Variants in NMNAT3 observed in about 807,000 individuals in gnomAD.
The protein encoded by NMNAT3 is nicotinamide nucleotide adenylyltransferase 3.
In NMNAT3, 21 loss-of-function variants were observed where a neutral mutation model predicts 24.8. That is an observed-to-expected ratio of 0.85 (90% CI 0.60 to 1.22). NMNAT3 has a LOEUF of 1.22. Among genes scored for constraint, NMNAT3 ranks in the 50% most tolerant of loss-of-function variants. The probability of loss-of-function intolerance (pLI) is 0.00; values close to 1 mark genes in which losing one functional copy is unlikely to be tolerated. For missense variants in NMNAT3, 387 were observed against 436.6 expected, an observed-to-expected ratio of 0.89 and a Z score of 1.01; for synonymous variants, 136 against 155.2, an observed-to-expected ratio of 0.88 and a Z score of 0.92.
intron 2 of NMNAT3, 40 bp downstream of exon 3, chr3:139,634,571 A>G (rs760244245): frequency 2.0e-5 from 3 of 152,150 alleles, no homozygotes; most frequent in South Asian, 2.1e-4. Context: ...CGCTGTTGCT[A>G]CGGGCACACA....
At chr3:139,628,512 G>C (rs570598033) in intron 2 of NMNAT3, among the ~76,000 whole-genome samples, 1 of 152,290 alleles carries the variant, frequency 6.6e-6, no homozygotes, top group South Asian at 2.1e-4. Context: ...ATTGTTACTG[G>C]ACTATTATCT....
chr3:139,584,472 C>T (rs1318303451), intron 3 of NMNAT3: 4 of 152,462 alleles, frequency 2.6e-5, no homozygotes, highest in African/African-American at 9.7e-5. Context: ...ACAGTTCAGG[C>T]TATAAAATTG....
chr3:139,637,504 G>A (rs759823171), intron 2 of NMNAT3: 17 of 152,240 alleles, frequency 1.1e-4, no homozygotes, highest in Non-Finnish European at 1.9e-4. Context: ...ATAGCCTTGT[G>A]CTTACTATAT....
chr3:139,625,017 G>C (rs769314452), intron 3 of NMNAT3, among the ~76,000 whole-genome samples: 1 of 152,050 alleles, frequency 6.6e-6, no homozygotes, highest in African/African-American at 2.4e-5. Flanking sequence ...TATGTATTTT[G>C]AAGTTATATT....
At chr3:139,612,744 AAAGACTTT>A (rs1379630238) in intron 3 of NMNAT3, among the ~76,000 whole-genome samples, 1 of 152,168 alleles carries the variant, frequency 6.6e-6, no homozygotes, top group East Asian at 1.9e-4. Flanking sequence ...CGAGTTGGTT[AAAGACTTT>A]CCAAAACAGC....
At chr3:139,658,256 A>G (rs570658854) in intron 1 of NMNAT3, among the ~76,000 whole-genome samples, 1 of 152,288 alleles carries the variant, frequency 6.6e-6, no homozygotes, top group Non-Finnish European at 1.5e-5. Flanking sequence ...AGTGAAAGGA[A>G]GGAAGTACCC....
intron 5 of NMNAT3, among the ~76,000 whole-genome samples, chr3:139,574,097 T>C (rs1477211735): frequency 1.3e-5 from 2 of 152,216 alleles, no homozygotes; most frequent in Non-Finnish European, 2.9e-5. Flanking sequence ...TTTAGGCTCT[T>C]GTGAAGGTGA....
chr3:139,618,335 A>T (rs1455642246), intron 3 of NMNAT3, among the ~76,000 whole-genome samples: 1 of 152,254 alleles, frequency 6.6e-6, no homozygotes, highest in African/African-American at 2.4e-5. Context: ...GTGTGTTATC[A>T]CAGGACTAAA....
intron 1 of NMNAT3, among the ~76,000 whole-genome samples, chr3:139,639,538 A>G (rs1343424498): frequency 1.3e-5 from 2 of 152,164 alleles, no homozygotes; most frequent in Non-Finnish European, 2.9e-5. Context: ...GTCCCTGATA[A>G]AATATCTGGG....
At chr3:139,666,433 CT>C (rs1276444655) in intron 1 of NMNAT3, among the ~76,000 whole-genome samples, 1 of 152,154 alleles carries the variant, frequency 6.6e-6, no homozygotes, top group Non-Finnish European at 1.5e-5. Flanking sequence ...TTGTCAGCCA[CT>C]GAGTGAGAAA....
chr3:139,663,141 TTG>T (rs1204892238), intron 1 of NMNAT3, among the ~76,000 whole-genome samples: 1 of 152,352 alleles, frequency 6.6e-6, no homozygotes, highest in East Asian at 1.9e-4. Context: ...GAATCTATTC[TTG>T]TCTTTCCCAG....
chr3:139,659,003 T>G (rs1388142446), intron 1 of NMNAT3, among the ~76,000 whole-genome samples: 1 of 152,344 alleles, frequency 6.6e-6, no homozygotes, highest in East Asian at 1.9e-4. Flanking sequence ...CTTTTAGAAC[T>G]TTAAATATAA....
intron 1 of NMNAT3, among the ~76,000 whole-genome samples, chr3:139,640,912 G>A (rs1375046921): frequency 6.6e-6 from 1 of 152,210 alleles, no homozygotes; most frequent in African/African-American, 2.4e-5. Context: ...CAGATTTGAG[G>A]CTGTGATTAA....
intron 3 of NMNAT3, among the ~76,000 whole-genome samples, chr3:139,611,930 G>C (rs1168754534): frequency 3.3e-5 from 5 of 152,198 alleles, no homozygotes; most frequent in Non-Finnish European, 1.5e-5. Context: ...CACTTTGTGG[G>C]GCTGAGGCGG....
At chr3:139,623,500 A>G (rs2055895827) in intron 3 of NMNAT3, among the ~76,000 whole-genome samples, 1 of 152,202 alleles carries the variant, frequency 6.6e-6, no homozygotes, top group Non-Finnish European at 1.5e-5. Flanking sequence ...AGTATAGTAA[A>G]TACATAAATC....
intron 1 of NMNAT3, among the ~76,000 whole-genome samples, chr3:139,647,145 A>G (rs2056897501): frequency 6.6e-6 from 1 of 152,242 alleles, no homozygotes; most frequent in Non-Finnish European, 1.5e-5. Flanking sequence ...AAATTGAAAA[A>G]TGAAGATGGG....
In NMNAT3 at chr3:139,583,737, A is replaced by T. The variant is rs1056030662; in HGVS notation, c.110-529T>A. On this transcript the variant is annotated intron_variant, in intron 3 of 6. Transcript: ENST00000643695. ...GAGAAATATAGGTGGATTGAGAGAC[A>T]TTCTTCATTCAAACAAAAGTTTAAC... 23 of 635,306 alleles carry T rather than the reference A, an allele frequency of 3.6e-5. 1 individual carries two copies. The highest frequency in any genetic ancestry group is 2.0e-5 in the Non-Finnish European group (7 of 352,300). The allele number at this position is 635,306 out of a possible 1,614,324, so 39.4% of individuals were successfully genotyped here. A position where few individuals can be genotyped will look rare whatever the true frequency, so the allele number is the denominator to read the frequency against.
chr3:139,565,489 T>A (rs554205077), intron 6 of NMNAT3: 1 of 152,108 alleles, frequency 6.6e-6, no homozygotes, highest in Admixed American at 6.5e-5. Flanking sequence ...ATTAGGTATA[T>A]CTCCTAATGC....
intron 4 of NMNAT3, among the ~76,000 whole-genome samples, chr3:139,579,739 A>G (rs1939887650): frequency 6.6e-6 from 1 of 152,162 alleles, no homozygotes; most frequent in African/African-American, 2.4e-5. Context: ...AAACTGGAGG[A>G]TTTATTATTG....
Sources: gnomAD v4.1 joint callset for allele counts (sites outside exome capture counted in the v4.1 genomes callset) on GRCh38, gnomAD v4.1.1 for gene constraint, MANE v1.5 for transcripts, NCBI Gene and HGNC (gene_info 2026-07-23, HGNC 2026-07-21) for gene names.